IGSF22: variants seen among roughly 807,000 people sequenced by gnomAD.
The protein encoded by IGSF22 is immunoglobulin superfamily, member 22.
IGSF22 carries 119 observed loss-of-function variants against 127.0 expected under a neutral mutation model. The ratio of observed to expected loss-of-function variants is 0.94; its 90% CI spans 0.81 to 1.09. The LOEUF (loss-of-function observed/expected upper bound fraction) is 1.09. Among genes scored for constraint, IGSF22 ranks in the 50% least tolerant of loss-of-function variants. The pLI is 0.00. For missense variants in IGSF22, 1,518 were observed against 1,716.6 expected, an observed-to-expected ratio of 0.88 and a Z score of 2.04; for synonymous variants, 568 against 664.7, an observed-to-expected ratio of 0.85 and a Z score of 2.24.
At chr11:18,706,410 C>T in intron 21 of IGSF22, 1 of 515,278 alleles carries the variant, frequency 1.9e-6, no homozygotes, top group Non-Finnish European at 3.4e-6. Flanking sequence ...GCCGAGATGT[C>T]ATTCCAGCGC....
chr11:18,708,823 C>T (rs1848296418), intron 18 of IGSF22, among the ~76,000 whole-genome samples: 1 of 152,210 alleles, frequency 6.6e-6, no homozygotes, highest in Non-Finnish European at 1.5e-5. Flanking sequence ...AGATTACCAG[C>T]CATTATTCCA....
At chr11:18,717,400 G>T (rs535872918) in intron 9 of IGSF22, among the ~76,000 whole-genome samples, 26 of 149,998 alleles carry the variant, frequency 1.7e-4, no homozygotes, top group Non-Finnish European at 3.7e-4. Context: ...TTGACCTCTA[G>T]TAGTTTAGCT....
At chr11:18,721,739 G>T (rs74469339) in intron 3 of IGSF22, 68 bp from the exon 4 acceptor site, 167,606 of 1,602,508 alleles carry the variant, frequency 0.1, 10,349 homozygotes, top group East Asian at 0.32. Flanking sequence ...ACCCTCTGCC[G>T]GCTCTCTGCC....
At position 18,706,980 on chromosome 11, in the gene IGSF22, G is replaced by A. The variant is rs1186095459; in HGVS notation, c.3514C>T (p.Arg1172Trp). The A allele has an allele frequency of 4.5e-6, 7 of 1,546,538 alleles. No individual in the cohort carries two copies. The highest frequency in any genetic ancestry group is 2.4e-5 in the East Asian group (1 of 40,870). The change falls in exon 21 of 23, where the codon CGG becomes TGG. Residue 1172 changes from arginine (R) to tryptophan (W), a missense_variant. Coordinates refer to ENST00000513874, the MANE Select transcript of IGSF22 (RefSeq NM_173588.4). Reference protein sequence around the residue: ...GRKYYFRVVARNEIGDSEPLD... With the variant: ...GRKYYFRVVAWNEIGDSEPLD... ...GGCTCACTGTCACCGATTTCATTCC[G>A]AGCCACCACTCTGAAGTAGTACTTC...
intron 15 of IGSF22, among the ~76,000 whole-genome samples, chr11:18,711,440 C>T (rs1321070215): frequency 1.3e-5 from 2 of 152,150 alleles, no homozygotes; most frequent in Non-Finnish European, 2.9e-5. Context: ...CTCTATTGCC[C>T]AGGCTGGAGT....
chr11:18,709,164 G>A lies in IGSF22; in HGVS notation c.2998+223C>T, dbSNP rs1293832922. On this transcript the variant is annotated intron_variant, in intron 18 of 22. Transcript: ENST00000513874. This position sits in a 1 kb window ranked among gnomAD's most constrained non-coding sequence, Gnocchi z 4.8. ...TACAATGCGCAAGAAGAACCCATTG[G>A]GTGGTTACACCTTGACACACAGTAG... Among the ~76,000 whole-genome samples, 5 of 151,864 alleles carry A rather than the reference G, an allele frequency of 3.3e-5. No individual in the cohort carries two copies. Among genetic ancestry groups the A allele is most frequent in the Non-Finnish European group, 7.4e-5 (5 of 67,990 alleles).
intron 3 of IGSF22, 21 bp from the exon 4 acceptor site, chr11:18,721,692 G>A: frequency 6.2e-7 from 1 of 1,613,734 alleles, no homozygotes; most frequent in Non-Finnish European, 8.5e-7. Flanking sequence ...CACAGGACGC[G>A]TTTTCGCCTC....
intron 4 of IGSF22, 94 bp from the exon 5 acceptor site, chr11:18,720,379 G>A: frequency 1.2e-6 from 1 of 819,372 alleles, no homozygotes; most frequent in Admixed American, 2.4e-5. Flanking sequence ...TTTTTTTAGG[G>A]GACAATAGGA....
chr11:18,724,033 G>T, intron 2 of IGSF22, 95 bp downstream of exon 2: 4 of 893,008 alleles, frequency 4.5e-6, no homozygotes, highest in Non-Finnish European at 7.3e-6. Flanking sequence ...CTCCAGAGGG[G>T]CCCATTAGTG....
In IGSF22 at chr11:18,710,747, T is replaced by C. The variant is rs1161009557; in HGVS notation, c.2480A>G (p.Gln827Arg). 3 of 1,614,048 alleles carry C rather than the reference T, an allele frequency of 1.9e-6. No homozygotes were observed. Among genetic ancestry groups the C allele is most frequent in the African/African-American group, 2.7e-5 (2 of 74,942 alleles). The change falls in exon 16 of 23, where the codon CAG (glutamine) becomes CGG (arginine). Residue 827 changes from glutamine (Q) to arginine (R), a missense_variant. By Grantham distance (43) the Gln-to-Arg change is conservative. Coordinates refer to ENST00000513874, the MANE Select transcript of IGSF22 (RefSeq NM_173588.4). The stretch of plus-strand genomic sequence containing the variant: ...GCCGAGCACTGGGGCTCCCCCATCC[T>C]GGGTAGGGGCATTCCACGTGATGGT... ...AVTITWNAPT[Q>R]DGGAPVLGYI...
rs1170877188 is a variant in IGSF22 at position 18,706,019 on chromosome 11, G to A, written c.3708C>T (p.Phe1236=). 3.9e-6 allele frequency: 6 copies of A among 1,551,668 alleles called. No individual in the cohort carries two copies. The highest frequency in any genetic ancestry group is 5.2e-6 in the Non-Finnish European group (6 of 1,146,974). ...TCACTGTGGGCCGCGGGTTCCCAAG[G>A]AAGGCGCAGGTCATGGTGCAGTCCT... is the stretch of plus-strand genomic sequence containing the variant. The part of the protein sequence containing the change: ...RGQDCTMTCA[F]LGNPRPTVTL... Residue 1236 remains phenylalanine, a synonymous_variant, in exon 22 of 23, where the codon TTC becomes TTT. Transcript: ENST00000513874.
In IGSF22 at chr11:18,722,039, C is replaced by A. The variant is rs1294857228; in HGVS notation, c.112G>T (p.Glu38Ter). ...FSQTTKIVGE[E>*]VVRRKSSSIV... ...CTCGAGGACTTCCTCCTCACGACCT[C>A]CTCTGTGGGGGCAGGCGAGAGGTCA... The change falls in exon 3 of 23, where the codon GAG becomes TAG. Residue 38 changes from glutamate (E) to a stop codon, truncating the protein, a stop_gained and splice_region_variant. Transcript: ENST00000513874. LOFTEE classifies it high-confidence loss of function. 4 of 1,613,770 alleles carry A rather than the reference C, an allele frequency of 2.5e-6. No homozygotes were observed. In the African/African-American group the frequency reaches 5.3e-5, roughly 22 times the overall value.
Position 18,705,911 on chromosome 11 carries a change from G to GA in IGSF22, c.3815dup (p.Thr1274HisfsTer31). The GA allele has an allele frequency of 6.4e-7, 1 of 1,551,722 alleles. No individual in the cohort carries two copies. Among genetic ancestry groups the GA allele is most frequent in the Non-Finnish European group, 8.7e-7 (1 of 1,146,988 alleles). On this transcript the variant is annotated frameshift_variant, in exon 22 of 23. Coordinates refer to ENST00000513874, the MANE Select transcript of IGSF22 (RefSeq NM_173588.4). LOFTEE classifies it high-confidence loss of function. ...CGCTGTCCTTGAGCGTGCAGGTGGGGATGACGAGGGTGCACACGCCGCTGG... is the reference window on the plus strand; with the variant it reads ...CGCTGTCCTTGAGCGTGCAGGTGGGGAATGACGAGGGTGCACACGCCGCTGG...
Position 18,710,938 on chromosome 11 carries a change from C to CT in IGSF22, c.2399-111dup, listed in dbSNP as rs1848344207. ...CTTAAATAAACTCAAACCAGTGATT[C>CT]TTTTTTCTTTTTCCTTTTTTAGAGA... On this transcript the variant is annotated intron_variant, in intron 15 of 22. Transcript: ENST00000513874. 5 of 940,118 alleles carry CT rather than the reference C, an allele frequency of 5.3e-6. No homozygotes were observed. The South Asian group carries it at 7.2e-5, about 13-fold the overall frequency. The allele number at this position is 940,118 out of a possible 1,614,324, so 58.2% of individuals were successfully genotyped here.
chr11:18,708,032 C>T (rs772764370), intron 19 of IGSF22, 36 bp from the exon 20 acceptor site: 1 of 1,610,480 alleles, frequency 6.2e-7, no homozygotes, highest in East Asian at 2.2e-5. Context: ...ACTGGTCACA[C>T]AGATGATATT....
At chr11:18,718,820 G>A (rs1441290804) in intron 7 of IGSF22, 92 bp from the exon 8 acceptor site, 6 of 760,450 alleles carry the variant, frequency 7.9e-6, no homozygotes, top group Non-Finnish European at 9.1e-6. Context: ...TCTTAAGCAT[G>A]TGGGGAGAAA....
In IGSF22 at chr11:18,716,595, G is replaced by T; in HGVS notation, c.1246+133C>A. ...GGGTTAACAGAGAGGAGATCCCCCT[G>T]TCTTTCCAGTACCTACCACAGGGCT... On this transcript the variant is annotated intron_variant, in intron 10 of 22. Transcript: ENST00000513874. This position sits in a 1 kb window ranked among gnomAD's most constrained non-coding sequence, Gnocchi z 4.5. The T allele has an allele frequency of 1.2e-6, 1 of 865,684 alleles. No homozygotes were observed. The allele number at this position is 865,684 out of a possible 1,614,324, so 53.6% of individuals were successfully genotyped here. A position where few individuals can be genotyped will look rare whatever the true frequency, so the allele number is the denominator to read the frequency against.
intron 1 of IGSF22, 147 bp from the exon 2 acceptor site, chr11:18,724,416 T>G: frequency 1.9e-6 from 1 of 521,204 alleles, no homozygotes; most frequent in African/African-American, 1.9e-5. Context: ...CTTCATTTCC[T>G]AGCTTCCTTT....
intron 11 of IGSF22, 114 bp from the exon 12 acceptor site, chr11:18,714,738 A>G: frequency 3.6e-6 from 5 of 1,382,120 alleles, no homozygotes; most frequent in Non-Finnish European, 4.9e-6. Flanking sequence ...GCGTCAATCA[A>G]AATAATTTAT....
Sources: gnomAD v4.1 joint callset for allele counts (sites outside exome capture counted in the v4.1 genomes callset) on GRCh38, gnomAD v4.1.1 for gene constraint, Gnocchi (gnomAD v3.1) non-coding constraint, MANE v1.5 for transcripts, NCBI Gene and HGNC (gene_info 2026-07-23, HGNC 2026-07-21) for gene names.